The following NIBAN2 variants were observed in gnomAD, a reference collection of about 807,000 sequenced individuals.
The protein encoded by NIBAN2 is niban apoptosis regulator 2, also known as protein Niban 2.
A neutral mutation model predicts 81.8 loss-of-function variants in NIBAN2; 36 were observed. The ratio of observed to expected loss-of-function variants is 0.44; its 90% CI spans 0.34 to 0.58. The LOEUF is 0.58. Ranked by LOEUF, NIBAN2 falls within the 20% of genes least tolerant of loss-of-function variation. The pLI, the probability that NIBAN2 is intolerant of heterozygous loss-of-function variation, is 0.02. For missense variants in NIBAN2, 897 were observed against 1,014.1 expected (o/e 0.88, Z 1.57); for synonymous variants, 445 against 441.6 (o/e 1.01, Z -0.10).
chr9:127,565,433 A>G (rs1837841298), intron 1 of NIBAN2, among the ~76,000 whole-genome samples: 1 of 152,182 alleles, frequency 6.6e-6, no homozygotes. Context: ...TGAATATACT[A>G]AAAACCGCTG....
At position 127,568,803 on chromosome 9, in the gene NIBAN2, C is replaced by T; in HGVS notation, c.55+17G>A. On this transcript the variant is annotated intron_variant, in intron 1 of 13. Transcript: ENST00000373312. ...CCGGCAGGCCCCTGGGCGCGCGTGG[C>T]GCGGCGCGACCCTCACCTGCGATGT... 3.1e-6 allele frequency: 4 copies of T among 1,305,716 alleles called. No individual in the cohort carries two copies. The highest frequency in any genetic ancestry group is 2.0e-5 in the South Asian group (1 of 49,240). The allele number at this position is 1,305,716 out of a possible 1,614,324, so 80.9% of individuals were successfully genotyped here.
In NIBAN2 at chr9:127,508,321, G is replaced by A. The variant is rs1588149703; in HGVS notation, c.1434+101C>T. On this transcript the variant is annotated intron_variant, in intron 11 of 13. Coordinates refer to ENST00000373312, the MANE Select transcript of NIBAN2 (RefSeq NM_022833.4). The surrounding 1 kb of genome is among the most constrained non-coding windows in gnomAD (Gnocchi z 6.4). ...TCCTCATCCGCACAAGAGGACCATG[G>A]CGCCTCCTTGCAGGGACAGCAATCC... The A allele has an allele frequency of 7.6e-7, 1 of 1,319,390 alleles. No individual in the cohort carries two copies. The highest frequency in any genetic ancestry group is 2.3e-5 in the East Asian group (1 of 43,404). 81.7% of individuals were successfully genotyped at this position (1,319,390 alleles called of 1,614,324 possible). A position where few individuals can be genotyped will look rare whatever the true frequency, so the allele number is the denominator to read the frequency against.
At chr9:127,540,414 G>A (rs112383881) in intron 1 of NIBAN2, among the ~76,000 whole-genome samples, 36 of 152,272 alleles carry the variant, frequency 2.4e-4, no homozygotes, top group African/African-American at 8.4e-4. Context: ...GGCGTATCCC[G>A]GAGGGCCTCG....
chr9:127,526,599 T>C (rs1042199841), intron 3 of NIBAN2, among the ~76,000 whole-genome samples: 1 of 152,086 alleles, frequency 6.6e-6, no homozygotes, highest in African/African-American at 2.4e-5. Flanking sequence ...TTCCGTGAAA[T>C]ACAGGGCCCA....
In NIBAN2 at chr9:127,516,989, C is replaced by T. The variant is rs139210254; in HGVS notation, c.841G>A (p.Glu281Lys). The T allele has an allele frequency of 1.5e-5, 24 of 1,613,916 alleles. No homozygotes were observed. The East Asian group carries it at 3.1e-4, about 21-fold the overall frequency. The change falls in exon 8 of 14, where the codon GAG becomes AAG. Residue 281 changes from glutamate to lysine, a missense_variant. Around this residue, in one of 3 missense-constraint regions of NIBAN2, gnomAD observed 619 missense variants for 691.0 expected, o/e 0.90. Coordinates refer to ENST00000373312, the MANE Select transcript of NIBAN2 (RefSeq NM_022833.4). ...TCCTCGAAGCGCGCCTTGGCCTGCT[C>T]GTACACCATGTGGTACACGGCGTCC... ...ISDAVYHMVY[E>K]QAKARFEEVL...
intron 1 of NIBAN2, among the ~76,000 whole-genome samples, chr9:127,562,296 C>T (rs573521766): frequency 6.6e-6 from 1 of 152,274 alleles, no homozygotes; most frequent in South Asian, 2.1e-4. Flanking sequence ...AATAGCAGAA[C>T]GTGGTTTAAA....
At chr9:127,550,801 G>GAAAAGGTCACTACCTC (rs1263760706) in intron 1 of NIBAN2, among the ~76,000 whole-genome samples, 4 of 152,214 alleles carry the variant, frequency 2.6e-5, no homozygotes, top group Non-Finnish European at 5.9e-5. Flanking sequence ...ATCAGCAGCA[G>GAAAAGGTCACTACCTC]AAAAGGTCAC....
chr9:127,574,519 G>T (rs755330892), intron 1 of NIBAN2, among the ~76,000 whole-genome samples: 1 of 152,056 alleles, frequency 6.6e-6, no homozygotes, highest in Non-Finnish European at 1.5e-5. Context: ...AGAGCATTCC[G>T]CAGGAGCCCA....
chr9:127,521,571 C>T (rs1380753488), intron 5 of NIBAN2, among the ~76,000 whole-genome samples: 1 of 151,632 alleles, frequency 6.6e-6, no homozygotes, highest in Non-Finnish European at 1.5e-5. Flanking sequence ...TCCTGGCAGC[C>T]CCCGGAGTGA....
At chr9:127,569,205 C>T, upstream of NIBAN2, 1 of 535,840 alleles carries the variant, frequency 1.9e-6, no homozygotes, top group Non-Finnish European at 2.3e-6. Flanking sequence ...CGCCCCGCCC[C>T]GCCCCGCCCT....
chr9:127,564,987 G>A (rs998807287), intron 1 of NIBAN2, among the ~76,000 whole-genome samples: 4 of 152,254 alleles, frequency 2.6e-5, no homozygotes, highest in East Asian at 3.9e-4. Flanking sequence ...GGGATTTAAC[G>A]GAGAAAGATG....
intron 2 of NIBAN2, among the ~76,000 whole-genome samples, chr9:127,530,579 T>C (rs867114991): frequency 3.9e-5 from 6 of 152,320 alleles, no homozygotes; most frequent in Middle Eastern, 3.4e-3. Context: ...AGGCAGCTTC[T>C]AATCTCTCAC....
intron 3 of NIBAN2, among the ~76,000 whole-genome samples, chr9:127,526,972 G>A (rs1173005380): frequency 6.6e-6 from 1 of 152,108 alleles, no homozygotes; most frequent in East Asian, 1.9e-4. Flanking sequence ...GACAGAAGGA[G>A]TCAGCGATAT....
chr9:127,578,593 C>T (rs1402340326), intron 1 of NIBAN2, among the ~76,000 whole-genome samples: 2 of 150,514 alleles, frequency 1.3e-5, no homozygotes, highest in East Asian at 2.0e-4. Flanking sequence ...ATCTGGGAGG[C>T]GGAGGTTGCA....
intron 8 of NIBAN2, among the ~76,000 whole-genome samples, chr9:127,516,137 G>A (rs1336794273): frequency 1.3e-5 from 2 of 151,490 alleles, no homozygotes; most frequent in African/African-American, 4.9e-5. Context: ...AAAATAAAAT[G>A]AAATAAAATA....
intron 2 of NIBAN2, among the ~76,000 whole-genome samples, chr9:127,528,648 C>G (rs1837122267): frequency 6.6e-6 from 1 of 152,174 alleles, no homozygotes; most frequent in African/African-American, 2.4e-5. Flanking sequence ...CAGGCTTCTT[C>G]CTACCGGGTA....
chr9:127,551,889 C>A (rs1837583345), intron 1 of NIBAN2, among the ~76,000 whole-genome samples: 2 of 152,296 alleles, frequency 1.3e-5, no homozygotes, highest in South Asian at 4.1e-4. Context: ...CTGCCTGAAA[C>A]TCTCTCCTCC....
chr9:127,537,211 G>T (rs959091581), intron 1 of NIBAN2, among the ~76,000 whole-genome samples: 1 of 152,110 alleles, frequency 6.6e-6, no homozygotes, highest in Non-Finnish European at 1.5e-5. Context: ...CCCTGCAAGC[G>T]CCTAGCTCTC....
intron 9 of NIBAN2, 105 bp from the exon 10 acceptor site, chr9:127,509,236 C>T (rs943776981): frequency 4.3e-6 from 5 of 1,151,814 alleles, no homozygotes; most frequent in South Asian, 1.6e-5. Context: ...CTGGGGCTGG[C>T]GCCTGCTACC....
Sources: gnomAD v4.1 joint callset for allele counts (sites outside exome capture counted in the v4.1 genomes callset) on GRCh38, gnomAD v4.1.1 for gene constraint, gnomAD v4.1.1 regional missense constraint, Gnocchi (gnomAD v3.1) non-coding constraint, MANE v1.5 for transcripts, NCBI Gene and HGNC (gene_info 2026-07-23, HGNC 2026-07-21) for gene names.